Variants in GALNT11 observed in about 807,000 individuals in gnomAD.
GALNT11 encodes UDP-GalNAc:polypeptide N-acetylgalactosaminyltransferase 11.
GALNT11 carries 47 observed loss-of-function variants against 72.7 expected under a neutral mutation model. The ratio of observed to expected loss-of-function variants is 0.65; its 90% CI spans 0.51 to 0.82. GALNT11 has a LOEUF of 0.82. GALNT11 is among the 40% of genes least tolerant of loss of function. The pLI is 0.00. For missense variants in GALNT11, 677 were observed against 778.4 expected, an observed-to-expected ratio of 0.87 and a Z score of 1.55; for synonymous variants, 270 against 286.6, an observed-to-expected ratio of 0.94 and a Z score of 0.58.
chr7:152,025,948 CG>C lies in GALNT11; in HGVS notation c.-39+66del, dbSNP rs1306433763. ...AGCACCTCGAGAGCTGCGGCGGCGG[CG>C]GCGCGCGGGGCCTGGGCAGGCTGGG... is the stretch of plus-strand genomic sequence containing the variant. On this transcript the variant is annotated intron_variant, in intron 1 of 11. Coordinates refer to ENST00000430044, the MANE Select transcript of GALNT11 (RefSeq NM_022087.4). 9.8e-5 allele frequency: 16 copies of C among 162,890 alleles called. 1 individual carries two copies. The East Asian group carries it at 1.9e-3, about 20-fold the overall frequency. 10.1% of individuals were successfully genotyped at this position (162,890 alleles called of 1,614,324 possible).
chr7:152,107,908 A>G, intron 5 of GALNT11, 130 bp from the exon 6 acceptor site: 3 of 1,068,842 alleles, frequency 2.8e-6, no homozygotes, highest in Non-Finnish European at 4.0e-6. Flanking sequence ...TGGAGCAGTT[A>G]GGCCGTCTGG....
At chr7:152,044,492 T>C (rs2083023439) in intron 1 of GALNT11, among the ~76,000 whole-genome samples, 1 of 152,200 alleles carries the variant, frequency 6.6e-6, no homozygotes. Flanking sequence ...TGACTAGATT[T>C]GGGGGCCTGT....
At chr7:152,098,984 A>G (rs983055385) in intron 2 of GALNT11, among the ~76,000 whole-genome samples, 10 of 152,204 alleles carry the variant, frequency 6.6e-5, no homozygotes, top group African/African-American at 2.4e-4. Context: ...TGCTTTTGTC[A>G]CCCAGGCTGG....
intron 1 of GALNT11, among the ~76,000 whole-genome samples, chr7:152,082,113 T>G (rs2085357493): frequency 6.6e-6 from 1 of 152,250 alleles, no homozygotes; most frequent in Non-Finnish European, 1.5e-5. Flanking sequence ...GGAAGTAATA[T>G]TACTAAGTCA....
At chr7:152,066,160 G>A (rs1453881331) in intron 1 of GALNT11, among the ~76,000 whole-genome samples, 1 of 152,168 alleles carries the variant, frequency 6.6e-6, no homozygotes. Flanking sequence ...CCCCAGCCTC[G>A]CTGCTGCCTT....
chr7:152,044,831 G>T (rs953081329), intron 1 of GALNT11, among the ~76,000 whole-genome samples: 1 of 151,676 alleles, frequency 6.6e-6, no homozygotes, highest in Non-Finnish European at 1.5e-5. Flanking sequence ...TGTGGTGAAT[G>T]ACAGTGATGA....
chr7:152,118,975 C>G, intron 10 of GALNT11, 193 bp downstream of exon 10: 1 of 398,712 alleles, frequency 2.5e-6, no homozygotes, highest in South Asian at 7.4e-5. Context: ...AAGGTCACCG[C>G]CAGGGTCTGA....
chr7:152,067,200 C>T (rs1288919493), intron 1 of GALNT11, among the ~76,000 whole-genome samples: 1 of 152,174 alleles, frequency 6.6e-6, no homozygotes, highest in Non-Finnish European at 1.5e-5. Flanking sequence ...ATTAAGGATA[C>T]ATACTATCTG....
intron 8 of GALNT11, chr7:152,116,865 G>T (rs962118445): frequency 5.5e-6 from 3 of 549,542 alleles, no homozygotes; most frequent in Non-Finnish European, 1.0e-5. Flanking sequence ...TAATTTGTAG[G>T]TTTCTCTGTT....
chr7:152,041,119 G>C (rs112486471), intron 1 of GALNT11, among the ~76,000 whole-genome samples: 2 of 152,138 alleles, frequency 1.3e-5, no homozygotes, highest in Non-Finnish European at 2.9e-5. Context: ...CTCTTCCTTG[G>C]CATCTGGCTT....
intron 1 of GALNT11, among the ~76,000 whole-genome samples, chr7:152,034,655 C>A (rs950232568): frequency 2.0e-5 from 3 of 152,058 alleles, no homozygotes; most frequent in South Asian, 2.1e-4. Flanking sequence ...CCCTGCTGAT[C>A]GGAATAGTTG....
chr7:152,034,117 A>G (rs946406696), intron 1 of GALNT11, among the ~76,000 whole-genome samples: 2 of 152,204 alleles, frequency 1.3e-5, no homozygotes, highest in Non-Finnish European at 2.9e-5. Context: ...TGAAGGGGAC[A>G]TAACCGATAG....
At chr7:152,040,095 A>G (rs1214776604) in intron 1 of GALNT11, among the ~76,000 whole-genome samples, 2 of 151,892 alleles carry the variant, frequency 1.3e-5, no homozygotes, top group Non-Finnish European at 2.9e-5. Flanking sequence ...AATATTCCAT[A>G]TAGAGAAAAA....
intron 1 of GALNT11, among the ~76,000 whole-genome samples, chr7:152,059,564 C>T (rs2083887820): frequency 6.6e-6 from 1 of 152,146 alleles, no homozygotes; most frequent in Non-Finnish European, 1.5e-5. Context: ...CTCCTTGATC[C>T]ATGGGCTGCA....
intron 3 of GALNT11, among the ~76,000 whole-genome samples, chr7:152,101,227 G>A (rs1327297976): frequency 1.3e-5 from 2 of 152,052 alleles, no homozygotes; most frequent in Admixed American, 1.3e-4. Flanking sequence ...TGGATTCATG[G>A]CAAATAGGAA....
intron 8 of GALNT11, among the ~76,000 whole-genome samples, chr7:152,113,964 G>C (rs1317146715): frequency 6.7e-6 from 1 of 149,976 alleles, no homozygotes; most frequent in Non-Finnish European, 1.5e-5. Flanking sequence ...GGATCTCACT[G>C]TGTTGCCCAG....
At chr7:152,028,386 CAG>C (rs1209306809) in intron 1 of GALNT11, among the ~76,000 whole-genome samples, 2 of 152,150 alleles carry the variant, frequency 1.3e-5, no homozygotes, top group East Asian at 1.9e-4. Flanking sequence ...TAGCTAGACA[CAG>C]AGCGCTGATT....
chr7:152,057,518 G>C (rs1046630250), intron 1 of GALNT11, among the ~76,000 whole-genome samples: 1 of 151,916 alleles, frequency 6.6e-6, no homozygotes, highest in Non-Finnish European at 1.5e-5. Flanking sequence ...TGTTGGCCAG[G>C]CTGGTCTCAA....
intron 7 of GALNT11, 81 bp from the exon 8 acceptor site, chr7:152,113,165 G>T: frequency 6.9e-7 from 1 of 1,443,848 alleles, no homozygotes; most frequent in Non-Finnish European, 9.3e-7. Context: ...ATTGAATAAA[G>T]ATTAATTTCA....
Sources: allele counts gnomAD v4.1 joint callset (sites outside exome capture counted in the v4.1 genomes callset), GRCh38; gene constraint gnomAD v4.1.1; transcripts MANE v1.5; gene names NCBI Gene and HGNC (gene_info 2026-07-23, HGNC 2026-07-21).